Variants in EVC2 observed in about 807,000 individuals in gnomAD.
The protein encoded by EVC2 is limbin.
A neutral mutation model predicts 149.3 loss-of-function variants in EVC2; 148 were observed. The observed-to-expected ratio is 0.99, with a 90% CI of 0.87 to 1.14. The LOEUF (loss-of-function observed/expected upper bound fraction) is 1.14, where lower values mean the gene tolerates loss of function less well. Ranked by LOEUF, EVC2 falls within the 50% of genes most tolerant of loss-of-function variation. The probability of loss-of-function intolerance (pLI) is 0.00; values close to 1 mark genes in which losing one functional copy is unlikely to be tolerated. For synonymous variants in EVC2, 776 were observed against 649.9 expected, an observed-to-expected ratio of 1.19 and a Z score of -2.95; for missense variants, 1,854 against 1,627.3, an observed-to-expected ratio of 1.14 and a Z score of -2.40.
chr4:5,530,813 C>G, the EVC2 span, among the ~76,000 whole-genome samples: 3 of 152,276 alleles, frequency 2.0e-5, no homozygotes, highest in East Asian at 3.9e-4. Flanking sequence ...TCAATTCATA[C>G]TTACCTGGTG....
intron 1 of EVC2, among the ~76,000 whole-genome samples, chr4:5,698,741 A>G (rs1274489197): frequency 6.6e-6 from 1 of 152,174 alleles, no homozygotes; most frequent in African/African-American, 2.4e-5. Flanking sequence ...TAATGAGATA[A>G]CTCACTCCAG....
intron 16 of EVC2, among the ~76,000 whole-genome samples, chr4:5,594,034 G>T (rs2108800568): frequency 6.6e-6 from 1 of 152,308 alleles, no homozygotes; most frequent in East Asian, 1.9e-4. Context: ...GCCCGCCATT[G>T]CCCAGGCTTG....
Position 5,631,963 on chromosome 4 carries a change from G to A in EVC2, c.1540C>T (p.Leu514Phe), listed in dbSNP as rs757570584. ...AAGTCTTCTTCTTGTTGCAAAGCGA[G>A]AGACTTCCTCAAGTGCTCCTGTTCC... ...GLEQEHLRKS[L>F]ALQQEEDFAK... The change falls in exon 11 of 22, where the codon CTC (leucine) becomes TTC (phenylalanine). Residue 514 changes from leucine (L) to phenylalanine (F), a missense_variant. Physicochemically the swap from Leu to Phe is conservative, Grantham distance 22. Coordinates refer to ENST00000344408, the MANE Select transcript of EVC2 (RefSeq NM_147127.5). 5 of 1,614,232 alleles carry A rather than the reference G, an allele frequency of 3.1e-6. No homozygotes were observed. In the Admixed American group the frequency reaches 8.3e-5, roughly 27 times the overall value.
chr4:5,614,909 G>A lies in EVC2; in HGVS notation c.2829+513C>T, dbSNP rs1715124271. On this transcript the variant is annotated intron_variant, in intron 16 of 21. Coordinates refer to ENST00000344408, the MANE Select transcript of EVC2 (RefSeq NM_147127.5). This position sits in a 1 kb window ranked among gnomAD's most constrained non-coding sequence, Gnocchi z 4.7. ...GAAGAATCACTTGAACCCAGGAGGCGGAGGTTGCAGTGAGCCGAGATCACA... is the reference window on the plus strand; with the variant it reads ...GAAGAATCACTTGAACCCAGGAGGCAGAGGTTGCAGTGAGCCGAGATCACA... 2.0e-5 allele frequency among the ~76,000 whole-genome samples: 3 copies of A among 151,254 alleles called. No homozygotes were observed. Among genetic ancestry groups the A allele is most frequent in the South Asian group, 2.1e-4 (1 of 4,778 alleles).
At chr4:5,587,920 G>A (rs932852599) in intron 16 of EVC2, among the ~76,000 whole-genome samples, 8 of 152,138 alleles carry the variant, frequency 5.3e-5, no homozygotes, top group Non-Finnish European at 8.8e-5. Context: ...CTGTCTGCTT[G>A]TGGATTTCAT....
intron 21 of EVC2, among the ~76,000 whole-genome samples, chr4:5,555,017 C>CGTGTGTGT (rs35387388): frequency 6.7e-6 from 1 of 149,212 alleles, no homozygotes; most frequent in Non-Finnish European, 1.5e-5. Context: ...AGAGAGGAAG[C>CGTGTGTGT]GTGTGTGTGT....
At chr4:5,552,979 C>T (rs1721769746) in intron 21 of EVC2, among the ~76,000 whole-genome samples, 1 of 152,142 alleles carries the variant, frequency 6.6e-6, no homozygotes, top group African/African-American at 2.4e-5. Context: ...TTCATCTTCC[C>T]TCTGGTGTGT....
intron 16 of EVC2, among the ~76,000 whole-genome samples, chr4:5,585,056 G>A (rs1006188856): frequency 6.6e-6 from 1 of 152,132 alleles, no homozygotes; most frequent in Non-Finnish European, 1.5e-5. Flanking sequence ...GGGGAGCCCA[G>A]CCATCCTTCA....
At chr4:5,565,163 C>G (rs952300520) in intron 21 of EVC2, 95 bp downstream of exon 21, 1 of 1,170,760 alleles carries the variant, frequency 8.5e-7, no homozygotes, top group Admixed American at 1.7e-5. Context: ...TTTGCAGCAA[C>G]CTCCTTTCCT....
At chr4:5,589,808 T>C (rs1712624173) in intron 16 of EVC2, among the ~76,000 whole-genome samples, 1 of 152,186 alleles carries the variant, frequency 6.6e-6, no homozygotes, top group Non-Finnish European at 1.5e-5. Context: ...AAGTCCCTCA[T>C]AGGGTTATTC....
intron 9 of EVC2, among the ~76,000 whole-genome samples, chr4:5,659,124 G>A (rs1718718252): frequency 6.6e-6 from 1 of 152,130 alleles, no homozygotes; most frequent in Non-Finnish European, 1.5e-5. Context: ...AAAATAACTC[G>A]GCAGGATAGA....
chr4:5,605,586 C>T (rs1714330514), intron 16 of EVC2, among the ~76,000 whole-genome samples: 1 of 152,196 alleles, frequency 6.6e-6, no homozygotes, highest in Non-Finnish European at 1.5e-5. Context: ...ATAATTTGTG[C>T]TGTGTCTCCA....
intron 16 of EVC2, among the ~76,000 whole-genome samples, chr4:5,598,842 G>T (rs940509257): frequency 4.6e-5 from 7 of 151,952 alleles, no homozygotes; most frequent in African/African-American, 1.7e-4. Flanking sequence ...CTAATATCCA[G>T]AATCTACAAT....
rs776852815 is a variant in EVC2 at position 5,622,558 on chromosome 4, C to A, written c.2480G>T (p.Arg827Leu). 6.2e-7 allele frequency: 1 copy of A among 1,613,780 alleles called. No homozygotes were observed. ...AVTEEQAELR[R>L]WEHLIFMKLC... is the part of the protein sequence containing the mutation. The stretch of plus-strand genomic sequence containing the variant: ...TCACATGAAGATCAGGTGCTCCCAG[C>A]GTCGCAGCTCTGCCTGCTCCTCTGT... Residue 827 changes from arginine to leucine, a missense_variant, in exon 14 of 22, where the codon CGC becomes CTC. Physicochemically the swap from Arg to Leu is moderately radical, Grantham distance 102 (BLOSUM62 -2). Transcript: ENST00000344408. This position sits in a 1 kb window ranked among gnomAD's most constrained non-coding sequence, Gnocchi z 5.8.
intron 5 of EVC2, among the ~76,000 whole-genome samples, chr4:5,688,624 G>T (rs1446601910): frequency 1.3e-5 from 2 of 152,160 alleles, no homozygotes; most frequent in Non-Finnish European, 2.9e-5. Flanking sequence ...CAACCAGTGA[G>T]GGTGGCAGAG....
In EVC2 at chr4:5,637,284, C is replaced by T. The variant is rs961455745; in HGVS notation, c.1470+3230G>A. Among the ~76,000 whole-genome samples, 11 of 152,284 alleles carry T rather than the reference C, an allele frequency of 7.2e-5. No homozygotes were observed. In the South Asian group the frequency reaches 1.2e-3, roughly 17 times the overall value. On this transcript the variant is annotated intron_variant, in intron 10 of 21. Transcript: ENST00000344408. This position sits in a 1 kb window ranked among gnomAD's most constrained non-coding sequence, Gnocchi z 4.4. ...TCACATGGGGCGCACAGCAGGGGGA[C>T]GTAACCTCCACTGCAGGAGGGGGCA...
chr4:5,652,043 CAG>C (rs1179664377), intron 9 of EVC2, among the ~76,000 whole-genome samples: 1 of 152,204 alleles, frequency 6.6e-6, no homozygotes, highest in Non-Finnish European at 1.5e-5. Flanking sequence ...TACCAGGGAA[CAG>C]GGGGAAGCTG....
At chr4:5,687,259 A>C (rs1436279436) in intron 5 of EVC2, among the ~76,000 whole-genome samples, 1 of 151,944 alleles carries the variant, frequency 6.6e-6, no homozygotes, top group Non-Finnish European at 1.5e-5. Context: ...CTCCATCTCA[A>C]AAAAAAAGAA....
chr4:5,706,237 G>A (rs1259792122), intron 1 of EVC2, among the ~76,000 whole-genome samples: 3 of 151,270 alleles, frequency 2.0e-5, no homozygotes, highest in Admixed American at 2.0e-4. Flanking sequence ...GTGCAATTAG[G>A]CATTGGTCTC....
Sources: gnomAD v4.1 joint callset for allele counts (sites outside exome capture counted in the v4.1 genomes callset) on GRCh38, gnomAD v4.1.1 for gene constraint, Gnocchi (gnomAD v3.1) non-coding constraint, MANE v1.5 for transcripts, NCBI Gene and HGNC (gene_info 2026-07-23, HGNC 2026-07-21) for gene names.